ANO5: variants seen among roughly 807,000 people sequenced by gnomAD.
ANO5 encodes the protein anoctamin 5, also known as anoctamin-5.
ANO5 carries 109 observed loss-of-function variants against 121.0 expected under a neutral mutation model. The observed-to-expected ratio is 0.90, with a 90% CI of 0.77 to 1.06. The LOEUF is 1.06. ANO5 is among the 50% of genes least tolerant of loss of function. The pLI, the probability that ANO5 is intolerant of heterozygous loss-of-function variation, is 0.00. For synonymous variants in ANO5, 406 were observed against 359.9 expected (o/e 1.13, Z -1.45); for missense variants, 1,064 against 1,078.5 (o/e 0.99, Z 0.19).
intron 7 of ANO5, among the ~76,000 whole-genome samples, chr11:22,230,347 A>G (rs1852999007): frequency 6.6e-6 from 1 of 151,970 alleles, no homozygotes; most frequent in African/African-American, 2.4e-5. Context: ...TAGGACACCA[A>G]TGCCAAATTT....
chr11:22,245,331 G>A (rs779851211), intron 9 of ANO5, among the ~76,000 whole-genome samples: 9 of 152,128 alleles, frequency 5.9e-5, no homozygotes, highest in Admixed American at 1.3e-4. Flanking sequence ...CCCTCTGATC[G>A]CTGGCACTGT....
intron 2 of ANO5, among the ~76,000 whole-genome samples, chr11:22,206,870 A>T (rs1174692250): frequency 6.6e-6 from 1 of 152,090 alleles, no homozygotes; most frequent in East Asian, 1.9e-4. Flanking sequence ...GTCCTCACTT[A>T]CCCTTCTCAT....
chr11:22,235,253 CAA>C (rs1225166214), intron 7 of ANO5, among the ~76,000 whole-genome samples: 4 of 151,660 alleles, frequency 2.6e-5, no homozygotes, highest in East Asian at 1.9e-4. Context: ...GTTAACATCC[CAA>C]GAGAGAGTTC....
chr11:22,196,504 T>TTG (rs1433554924), intron 1 of ANO5, among the ~76,000 whole-genome samples: 4 of 151,434 alleles, frequency 2.6e-5, no homozygotes, highest in Non-Finnish European at 5.9e-5. Flanking sequence ...TATGAGAGTT[T>TTG]TTTTTTTTTT....
intron 20 of ANO5, among the ~76,000 whole-genome samples, chr11:22,275,815 A>C (rs750715249): frequency 2.6e-5 from 4 of 151,792 alleles, no homozygotes; most frequent in Non-Finnish European, 5.9e-5. Flanking sequence ...GGAAGCAGCA[A>C]ATTTTGAATA....
At chr11:22,195,087 A>G (rs1851764801) in intron 1 of ANO5, among the ~76,000 whole-genome samples, 1 of 152,168 alleles carries the variant, frequency 6.6e-6, no homozygotes, top group African/African-American at 2.4e-5. Context: ...CATACTCACT[A>G]ACACTTGTTA....
intron 13 of ANO5, 104 bp from the exon 14 acceptor site, chr11:22,257,576 G>T: frequency 1.1e-6 from 1 of 921,348 alleles, no homozygotes; most frequent in Non-Finnish European, 1.8e-6. Flanking sequence ...AGGCCCTTTT[G>T]GGAGACTCCT....
chr11:22,244,540 C>T (rs1853553283), intron 9 of ANO5, among the ~76,000 whole-genome samples: 1 of 148,376 alleles, frequency 6.7e-6, no homozygotes, highest in Admixed American at 6.7e-5. Context: ...TAAGTTTGGT[C>T]TCTTTATGTA....
intron 21 of ANO5, among the ~76,000 whole-genome samples, chr11:22,278,721 T>A (rs1377354885): frequency 6.6e-6 from 1 of 151,728 alleles, no homozygotes; most frequent in African/African-American, 2.4e-5. Flanking sequence ...TACAAAATTT[T>A]GACATCCACA....
At chr11:22,264,689 GA>G in intron 17 of ANO5, among the ~76,000 whole-genome samples, 1 of 152,060 alleles carries the variant, frequency 6.6e-6, no homozygotes, top group East Asian at 1.9e-4. Flanking sequence ...ACAACATAAG[GA>G]AAGGTGATAC....
chr11:22,249,595 ATGT>A (rs1170682253), intron 9 of ANO5, among the ~76,000 whole-genome samples: 1 of 152,118 alleles, frequency 6.6e-6, no homozygotes, highest in Non-Finnish European at 1.5e-5. Flanking sequence ...GAGAATTAAA[ATGT>A]TGTGCCGATA....
chr11:22,240,167 A>T (rs1036892872), intron 9 of ANO5, among the ~76,000 whole-genome samples: 4 of 151,944 alleles, frequency 2.6e-5, no homozygotes, highest in Non-Finnish European at 4.4e-5. Flanking sequence ...AAGGTTGTGT[A>T]TGGATGTTTG....
At chr11:22,220,036 T>G (rs1171663384) in intron 4 of ANO5, among the ~76,000 whole-genome samples, 1 of 151,852 alleles carries the variant, frequency 6.6e-6, no homozygotes, top group Non-Finnish European at 1.5e-5. Flanking sequence ...AGATCAAACA[T>G]GAGACTTATG....
At chr11:22,210,756 A>C (rs1210037797) in intron 2 of ANO5, among the ~76,000 whole-genome samples, 1 of 151,914 alleles carries the variant, frequency 6.6e-6, no homozygotes, top group Non-Finnish European at 1.5e-5. Flanking sequence ...AGAGGTTATA[A>C]ATTCAAATTA....
chr11:22,283,245 T>A lies in ANO5; in HGVS notation c.*3480T>A, dbSNP rs1027723377. 1 of 152,182 alleles carries A rather than the reference T, an allele frequency of 6.6e-6. No homozygotes were observed. Among genetic ancestry groups the A allele is most frequent in the Non-Finnish European group, 1.5e-5 (1 of 68,020 alleles). 9.4% of individuals were successfully genotyped at this position (152,182 alleles called of 1,614,324 possible). On this transcript the variant is annotated 3_prime_UTR_variant, in exon 22 of 22. Coordinates refer to ENST00000324559, the MANE Select transcript of ANO5 (RefSeq NM_213599.3). ...AAATTTCTTTCTTCCAAGTTTTTTT[T>A]TCCAGGAAGAGAAATATGCAGTTAT...
chr11:22,249,666 A>T (rs987255095), intron 9 of ANO5, among the ~76,000 whole-genome samples: 5 of 152,112 alleles, frequency 3.3e-5, no homozygotes, highest in African/African-American at 1.2e-4. Flanking sequence ...ATTTCATAGA[A>T]TTTTTGCTAA....
chr11:22,236,250 T>C lies in ANO5; in HGVS notation c.736T>C (p.Tyr246His), dbSNP rs1219063834. 1.9e-6 allele frequency: 3 copies of C among 1,612,934 alleles called. No individual in the cohort carries two copies. Among genetic ancestry groups the C allele is most frequent in the Non-Finnish European group, 2.5e-6 (3 of 1,179,194 alleles). The change falls in exon 8 of 22, where the codon TAC becomes CAC. Residue 246 changes from tyrosine to histidine, a missense_variant. Coordinates refer to ENST00000324559, the MANE Select transcript of ANO5 (RefSeq NM_213599.3). ...TGAAAGACTGCTAAACTCTAACACTTACTCATCTGCCTATCCACTCCATGA... is the reference window on the plus strand; with the variant it reads ...TGAAAGACTGCTAAACTCTAACACTCACTCATCTGCCTATCCACTCCATGA... ...GIERLLNSNT[Y>H]SSAYPLHDGQ...
chr11:22,270,454 C>A lies in ANO5; in HGVS notation c.2029+12C>A. The A allele has an allele frequency of 6.2e-7, 1 of 1,613,764 alleles. No individual in the cohort carries two copies. Among genetic ancestry groups the A allele is most frequent in the Non-Finnish European group, 8.5e-7 (1 of 1,179,824 alleles). ...GTACTTAGAAACAGGTAATTTTTAA[C>A]CACTGTTTTGAAACATAGAGTTGGC... On this transcript the variant is annotated intron_variant, in intron 18 of 21. Transcript: ENST00000324559.
chr11:22,242,409 GC>G (rs1853462568), intron 9 of ANO5, among the ~76,000 whole-genome samples: 1 of 152,010 alleles, frequency 6.6e-6, no homozygotes, highest in Non-Finnish European at 1.5e-5. Context: ...TGTTAGAATA[GC>G]TTTTTCTAAT....
Sources: allele counts gnomAD v4.1 joint callset (sites outside exome capture counted in the v4.1 genomes callset), GRCh38; gene constraint gnomAD v4.1.1; transcripts MANE v1.5; gene names NCBI Gene and HGNC (gene_info 2026-07-23, HGNC 2026-07-21).